LIPG: variants seen among roughly 807,000 people sequenced by gnomAD.
LIPG encodes lipase G, endothelial type.
Under a neutral mutation model 51.8 loss-of-function variants are expected in LIPG, and 34 were observed. The ratio of observed to expected loss-of-function variants is 0.66; its 90% CI spans 0.50 to 0.87. The LOEUF is 0.87. Among genes scored for constraint, LIPG ranks in the 40% least tolerant of loss-of-function variants. The pLI is 0.00. For missense variants in LIPG, 580 were observed against 652.7 expected (o/e 0.89, Z 1.21); for synonymous variants, 246 against 246.1 (o/e 1.00, Z 0.00).
chr18:49,580,648 ACAAAG>A (rs1384610709), intron 5 of LIPG, among the ~76,000 whole-genome samples: 1 of 151,698 alleles, frequency 6.6e-6, no homozygotes, highest in East Asian at 1.9e-4. Flanking sequence ...CAAAAACAAA[ACAAAG>A]CAAAGAAAAA....
chr18:49,586,945 G>A (rs1409926298), intron 9 of LIPG, 95 bp downstream of exon 9: 9 of 907,920 alleles, frequency 9.9e-6, no homozygotes, highest in African/African-American at 3.2e-5. Context: ...CAGGGACATA[G>A]CATGAACAAA....
At chr18:49,578,832 C>A (rs1055861184) in intron 5 of LIPG, among the ~76,000 whole-genome samples, 41 of 151,066 alleles carry the variant, frequency 2.7e-4, no homozygotes, top group African/African-American at 1.0e-3. Context: ...ACCGGCCCGG[C>A]CAACACAGCG....
At chr18:49,587,830 C>T (rs887410086) in intron 9 of LIPG, among the ~76,000 whole-genome samples, 82 of 151,954 alleles carry the variant, frequency 5.4e-4, no homozygotes, top group East Asian at 1.4e-3. Flanking sequence ...CTCTGTTACC[C>T]AGGCTGGAGC....
Position 49,594,648 on chromosome 18 carries a change from T to C in LIPG, c.*4126T>C, listed in dbSNP as rs976465252. Reference sequence around the variant, plus strand: ...GTAATCTTAAATTGATCTATGACTATGAAGTATAATGCATTACATCAGTTT... The same window carrying C: ...GTAATCTTAAATTGATCTATGACTACGAAGTATAATGCATTACATCAGTTT... On this transcript the variant is annotated 3_prime_UTR_variant, in exon 10 of 10. Coordinates refer to ENST00000261292, the MANE Select transcript of LIPG (RefSeq NM_006033.4). 1 of 152,260 alleles carries C rather than the reference T, an allele frequency of 6.6e-6. No individual in the cohort carries two copies. Among genetic ancestry groups the C allele is most frequent in the South Asian group, 2.1e-4 (1 of 4,830 alleles). 9.4% of individuals were successfully genotyped at this position (152,260 alleles called of 1,614,324 possible).
chr18:49,575,694 C>T, intron 5 of LIPG, 104 bp downstream of exon 5: 5 of 901,814 alleles, frequency 5.5e-6, no homozygotes, highest in Non-Finnish European at 8.8e-6. Flanking sequence ...TCATTATTCT[C>T]ACCTCCCACC....
At chr18:49,572,821 TG>T (rs1042632587) in intron 4 of LIPG, among the ~76,000 whole-genome samples, 1 of 151,934 alleles carries the variant, frequency 6.6e-6, no homozygotes, top group Non-Finnish European at 1.5e-5. Flanking sequence ...GTTTTACATG[TG>T]TGCATGTGTG....
At chr18:49,586,393 A>G (rs775164672) in intron 8 of LIPG, among the ~76,000 whole-genome samples, 2 of 152,226 alleles carry the variant, frequency 1.3e-5, no homozygotes, top group Non-Finnish European at 2.9e-5. Flanking sequence ...ATAAGGACAT[A>G]CTTTGTAACC....
intron 4 of LIPG, 113 bp downstream of exon 4, chr18:49,569,661 A>G: frequency 1.1e-6 from 1 of 893,800 alleles, no homozygotes; most frequent in Non-Finnish European, 1.8e-6. Context: ...GAACCTGGAA[A>G]GCATCTAATT....
At chr18:49,570,741 A>C (rs1362598398) in intron 4 of LIPG, among the ~76,000 whole-genome samples, 1 of 152,192 alleles carries the variant, frequency 6.6e-6, no homozygotes, top group Non-Finnish European at 1.5e-5. Flanking sequence ...AGGCAGGAGA[A>C]TCGCTTGAAC....
chr18:49,579,562 C>T (rs112567880), intron 5 of LIPG, among the ~76,000 whole-genome samples: 3 of 152,104 alleles, frequency 2.0e-5, no homozygotes, highest in African/African-American at 7.2e-5. Flanking sequence ...GCCTTGGCTG[C>T]TGACAGCATT....
intron 8 of LIPG, 117 bp from the exon 9 acceptor site, chr18:49,586,629 G>A (rs750925472): frequency 1.1e-4 from 80 of 747,054 alleles, no homozygotes; most frequent in African/African-American, 5.5e-4. Flanking sequence ...CTTTTGAGTC[G>A]GGGCATGGCA....
chr18:49,588,470 A>G (rs1164078515), intron 9 of LIPG, among the ~76,000 whole-genome samples: 2 of 151,928 alleles, frequency 1.3e-5, no homozygotes, highest in Non-Finnish European at 2.9e-5. Flanking sequence ...TTTAGTTGAG[A>G]TGGGTTTTCG....
rs775719924 is a variant in LIPG, at chr18:49,581,557, C to T, written c.936C>T (p.Arg312=). 7.4e-6 allele frequency: 12 copies of T among 1,614,052 alleles called. No individual in the cohort carries two copies. The highest frequency in any genetic ancestry group is 1.0e-5 in the Non-Finnish European group (12 of 1,180,042). Residue 312 remains arginine, a synonymous_variant, in exon 6 of 10, where the codon CGC becomes CGT. Coordinates refer to ENST00000261292, the MANE Select transcript of LIPG (RefSeq NM_006033.4). ...AAAAGGGGATCTGTCTGAGCTGCCG[C>T]AAGAACCGTTGTAATAGCATTGGCT... The part of the protein sequence containing the change: ...RFKKGICLSC[R]KNRCNSIGYN...
In LIPG at chr18:49,590,722, C is replaced by T. The variant is rs773351327; in HGVS notation, c.*200C>T. 4 of 644,654 alleles carry T rather than the reference C, an allele frequency of 6.2e-6. No individual in the cohort carries two copies. The highest frequency in any genetic ancestry group is 4.5e-5 in the Admixed American group (2 of 44,094). 39.9% of individuals were successfully genotyped at this position (644,654 alleles called of 1,614,324 possible). The stretch of plus-strand genomic sequence containing the variant: ...TGCGCTGCTATAGCTCTTGCTGCCT[C>T]TCTTGAATAGCTCTAACTCCAAACC... On this transcript the variant is annotated 3_prime_UTR_variant, in exon 10 of 10. Coordinates refer to ENST00000261292, the MANE Select transcript of LIPG (RefSeq NM_006033.4).
chr18:49,590,205 G>GTGTGTGTGTGTA (rs1249290771), intron 9 of LIPG: 13 of 490,798 alleles, frequency 2.6e-5, no homozygotes, highest in Non-Finnish European at 3.4e-5. Flanking sequence ...GTGTGTGTGT[G>GTGTGTGTGTGTA]TGTATGTTGT....
chr18:49,590,875 G>C lies in LIPG; in HGVS notation c.*353G>C. On this transcript the variant is annotated 3_prime_UTR_variant, in exon 10 of 10. Coordinates refer to ENST00000261292, the MANE Select transcript of LIPG (RefSeq NM_006033.4). Reference sequence around the variant, plus strand: ...GCCTGTACTCTGCCTGACGAGGAACGCTGGCTCCGAAGAGGCCCTGTGTAG... The same window carrying C: ...GCCTGTACTCTGCCTGACGAGGAACCCTGGCTCCGAAGAGGCCCTGTGTAG... 2 of 382,614 alleles carry C rather than the reference G, an allele frequency of 5.2e-6. No homozygotes were observed. The highest frequency in any genetic ancestry group is 2.5e-5 in the South Asian group (1 of 39,486). 23.7% of individuals were successfully genotyped at this position (382,614 alleles called of 1,614,324 possible).
rs1243229524 is a variant in LIPG at position 49,597,173 on chromosome 18, A to G, written c.*6651A>G. 6.6e-6 allele frequency: 1 copy of G among 152,224 alleles called. No individual in the cohort carries two copies. Among genetic ancestry groups the G allele is most frequent in the Non-Finnish European group, 1.5e-5 (1 of 68,048 alleles). 9.4% of individuals were successfully genotyped at this position (152,224 alleles called of 1,614,324 possible). A position where few individuals can be genotyped will look rare whatever the true frequency, so the allele number is the denominator to read the frequency against. ...AAGGTTCCTGTTGGGATAGAGAAAC[A>G]GTGGAGCAGGGCAGCCACCTTACAC... On this transcript the variant is annotated 3_prime_UTR_variant, in exon 10 of 10. Transcript: ENST00000261292.
intron 3 of LIPG, 37 bp from the exon 4 acceptor site, chr18:49,569,400 T>G (rs753292862): frequency 2.6e-6 from 4 of 1,563,980 alleles, no homozygotes; most frequent in Non-Finnish European, 3.5e-6. Context: ...CTCTGGACCC[T>G]GCTCTTCTGC....
intron 5 of LIPG, among the ~76,000 whole-genome samples, chr18:49,578,867 TCAGGCGTGGTGGCGCGTGCCTG>T (rs2084765856): frequency 7.2e-6 from 1 of 139,592 alleles, no homozygotes; most frequent in South Asian, 2.4e-4. Context: ...CCAAAACCAG[TCAGGCGTGGTGGCGCGTGCCTG>T]CAATCGCAGG....
Sources: allele counts gnomAD v4.1 joint callset (sites outside exome capture counted in the v4.1 genomes callset), GRCh38; gene constraint gnomAD v4.1.1; transcripts MANE v1.5; gene names NCBI Gene and HGNC (gene_info 2026-07-23, HGNC 2026-07-21).